The following KCNQ1 variants were observed in gnomAD, a reference collection of about 807,000 sequenced individuals.
The protein encoded by KCNQ1 is potassium voltage-gated channel subfamily Q member 1.
In KCNQ1, 49 loss-of-function variants were observed where a neutral mutation model predicts 72.4. The observed-to-expected ratio is 0.68, with a 90% CI of 0.54 to 0.86. The LOEUF (loss-of-function observed/expected upper bound fraction) is 0.86, where lower values mean the gene tolerates loss of function less well. Among genes scored for constraint, KCNQ1 ranks in the 40% least tolerant of loss-of-function variants. KCNQ1 has a pLI of 0.00. For synonymous variants in KCNQ1, 450 were observed against 412.6 expected (o/e 1.09, Z -1.10); for missense variants, 790 against 945.1 (o/e 0.84, Z 2.15).
rs886212999 is a variant in KCNQ1 at position 2,478,261 on chromosome 11, G to A, written c.386+32777G>A. ...AACGTAGAAGGCTAAATAAAGTACC[G>A]TTCAGGGTGAAGGGGAAGGAAGAAA... On this transcript the variant is annotated intron_variant, in intron 1 of 15. Coordinates refer to ENST00000155840, the MANE Select transcript of KCNQ1 (RefSeq NM_000218.3). This position sits in a 1 kb window ranked among gnomAD's most constrained non-coding sequence, Gnocchi z 4.0. 3.3e-5 allele frequency among the ~76,000 whole-genome samples: 5 copies of A among 152,184 alleles called. No individual in the cohort carries two copies. Among genetic ancestry groups the A allele is most frequent in the African/African-American group, 4.8e-5 (2 of 41,436 alleles).
intron 8 of KCNQ1, among the ~76,000 whole-genome samples, 199 bp from the exon 9 acceptor site, chr11:2,587,371 C>A (rs111858027): frequency 4.7e-4 from 72 of 152,320 alleles, no homozygotes; most frequent in African/African-American, 1.6e-3. Flanking sequence ...CCTGGTGCAG[C>A]AAGGGACCAA....
intron 15 of KCNQ1, among the ~76,000 whole-genome samples, chr11:2,831,968 C>T (rs1016495742): frequency 3.3e-5 from 5 of 152,216 alleles, no homozygotes; most frequent in African/African-American, 4.8e-5. Flanking sequence ...AGGCCCTGCC[C>T]GTGTACCAGG....
chr11:2,560,634 C>T (rs1437099436), intron 2 of KCNQ1, among the ~76,000 whole-genome samples: 1 of 151,988 alleles, frequency 6.6e-6, no homozygotes, highest in Admixed American at 6.5e-5. Context: ...TTACGGGCCC[C>T]TCAGCCTCCC....
At chr11:2,521,531 C>T (rs1306035250) in intron 1 of KCNQ1, 2 of 470,778 alleles carry the variant, frequency 4.2e-6, no homozygotes, top group Non-Finnish European at 4.4e-6. Context: ...GTGAAACGCT[C>T]CAGTGGTTAC....
At position 2,481,214 on chromosome 11, in the gene KCNQ1, C is replaced by T. The variant is rs1449738399; in HGVS notation, c.386+35730C>T. Among the ~76,000 whole-genome samples, 1 of 152,152 alleles carries T rather than the reference C, an allele frequency of 6.6e-6. No homozygotes were observed. Among genetic ancestry groups the T allele is most frequent in the African/African-American group, 2.4e-5 (1 of 41,428 alleles). On this transcript the variant is annotated intron_variant, in intron 1 of 15. Coordinates refer to ENST00000155840, the MANE Select transcript of KCNQ1 (RefSeq NM_000218.3). The surrounding 1 kb of genome is among the most constrained non-coding windows in gnomAD (Gnocchi z 4.6). ...ACATAAGAAAATGCTTTTAGTAGAT[C>T]AGTTTTTCTGATTGTAAAGTTCAGA...
At chr11:2,648,948 T>C (rs1486178627) in intron 10 of KCNQ1, 1 of 397,836 alleles carries the variant, frequency 2.5e-6, no homozygotes, top group Non-Finnish European at 4.4e-6. Flanking sequence ...TTTATAATTA[T>C]ATAATGACCT....
Position 2,532,354 on chromosome 11 carries a change from G to A in KCNQ1, c.477+4336G>A, listed in dbSNP as rs1036059020. On this transcript the variant is annotated intron_variant, in intron 2 of 15. Coordinates refer to ENST00000155840, the MANE Select transcript of KCNQ1 (RefSeq NM_000218.3). ...ATGACCCAGCTTGGTATGTGCTCCC[G>A]GCTTCAGCTGCCCCTGCGTGATGGA... Among the ~76,000 whole-genome samples the A allele has an allele frequency of 8.5e-5, 13 of 152,308 alleles. 1 individual carries two copies. Among genetic ancestry groups the A allele is most frequent in the South Asian group, 6.2e-4 (3 of 4,826 alleles).
At chr11:2,503,603 A>G (rs934397565) in intron 1 of KCNQ1, among the ~76,000 whole-genome samples, 2 of 152,016 alleles carry the variant, frequency 1.3e-5, no homozygotes, top group Non-Finnish European at 2.9e-5. Flanking sequence ...TGACGAGTTA[A>G]TGGGTGCAGC....
At position 2,634,612 on chromosome 11, in the gene KCNQ1, C is replaced by T. The variant is rs1369747144; in HGVS notation, c.1394-27349C>T. On this transcript the variant is annotated intron_variant, in intron 10 of 15. Coordinates refer to ENST00000155840, the MANE Select transcript of KCNQ1 (RefSeq NM_000218.3). The stretch of plus-strand genomic sequence containing the variant: ...CATTTGGGTTGGTTCCAAGTCTTTG[C>T]TATCGTGAATAGTGCTGCAATAAAC... The T allele has an allele frequency of 3.3e-5, 5 of 152,138 alleles. No homozygotes were observed. The East Asian group carries it at 9.6e-4, about 29-fold the overall frequency. The allele number at this position is 152,138 out of a possible 1,614,324, so 9.4% of individuals were successfully genotyped here.
chr11:2,729,131 C>T (rs231913), intron 11 of KCNQ1, among the ~76,000 whole-genome samples: 1 of 152,124 alleles, frequency 6.6e-6, no homozygotes, highest in Admixed American at 6.5e-5. Context: ...GAGCTGGGCT[C>T]TCCCGGGGCC....
intron 10 of KCNQ1, chr11:2,648,283 T>A (rs1849698732): frequency 1.3e-5 from 5 of 398,508 alleles, no homozygotes; most frequent in South Asian, 1.3e-4. Flanking sequence ...AGATCTGCTC[T>A]GATCTTTACT....
chr11:2,445,480 G>A lies in KCNQ1; in HGVS notation c.382G>A (p.Ala128Thr). The A allele has an allele frequency of 1.3e-6, 2 of 1,594,748 alleles. No homozygotes were observed. Among genetic ancestry groups the A allele is most frequent in the South Asian group, 1.1e-5 (1 of 90,502 alleles). Residue 128 changes from alanine (A) to threonine (T), a missense_variant, in exon 1 of 16, where the codon GCC becomes ACC. This residue lies in a region of KCNQ1 where 294 missense variants were observed against 323.3 expected (regional missense o/e 0.91). Coordinates refer to ENST00000155840, the MANE Select transcript of KCNQ1 (RefSeq NM_000218.3). Reference protein sequence around the residue: ...TGWKCFVYHFAVFLIVLVCLI... With the variant: ...TGWKCFVYHFTVFLIVLVCLI... ...CTGGAAATGCTTCGTTTACCACTTC[G>A]CCGTGTGAGTATCGCCACCGGCGAC...
chr11:2,505,055 ATTT>A (rs113518709), intron 1 of KCNQ1, among the ~76,000 whole-genome samples: 15 of 143,060 alleles, frequency 1.0e-4, no homozygotes, highest in African/African-American at 3.8e-4. Flanking sequence ...TTCCCTTCTG[ATTT>A]TTTTTTTTTT....
intron 1 of KCNQ1, among the ~76,000 whole-genome samples, chr11:2,518,788 T>C (rs947182664): frequency 1.5e-4 from 23 of 152,240 alleles, no homozygotes; most frequent in Middle Eastern, 3.4e-3. Flanking sequence ...CAAGAACTTT[T>C]TAAAGAAATG....
Position 2,683,204 on chromosome 11 carries a change from T to C in KCNQ1, c.1514+21123T>C, listed in dbSNP as rs1590029766. 4 of 398,632 alleles carry C rather than the reference T, an allele frequency of 1.0e-5. No individual in the cohort carries two copies. Among genetic ancestry groups the C allele is most frequent in the African/African-American group, 2.1e-5 (1 of 48,736 alleles). The allele number at this position is 398,632 out of a possible 1,614,324, so 24.7% of individuals were successfully genotyped here. A position where few individuals can be genotyped will look rare whatever the true frequency, so the allele number is the denominator to read the frequency against. ...AAGGCTCCCACTGACAGCTCATGCA[T>C]TGTGATGGAACTAGAGGTGAGATAC... On this transcript the variant is annotated intron_variant, in intron 11 of 15. Coordinates refer to ENST00000155840, the MANE Select transcript of KCNQ1 (RefSeq NM_000218.3). This position sits in a 1 kb window ranked among gnomAD's most constrained non-coding sequence, Gnocchi z 4.7.
Position 2,683,574 on chromosome 11 carries a change from A to T in KCNQ1, c.1514+21493A>T. 5.0e-6 allele frequency: 2 copies of T among 398,678 alleles called. No homozygotes were observed. Among genetic ancestry groups the T allele is most frequent in the Non-Finnish European group, 8.8e-6 (2 of 226,074 alleles). The allele number at this position is 398,678 out of a possible 1,614,324, so 24.7% of individuals were successfully genotyped here. On this transcript the variant is annotated intron_variant, in intron 11 of 15. Coordinates refer to ENST00000155840, the MANE Select transcript of KCNQ1 (RefSeq NM_000218.3). This position sits in a 1 kb window ranked among gnomAD's most constrained non-coding sequence, Gnocchi z 4.7. ...GCCCCTACCTACTGACTGGCATCAC[A>T]AACACTGCCCTGAAATGCCAACTCA... is the stretch of plus-strand genomic sequence containing the variant.
At chr11:2,605,203 T>C (rs1398122896) in intron 10 of KCNQ1, among the ~76,000 whole-genome samples, 1 of 152,252 alleles carries the variant, frequency 6.6e-6, no homozygotes, top group African/African-American at 2.4e-5. Context: ...CCCTATCAGA[T>C]AGATTATTTG....
chr11:2,504,081 T>C (rs771710378), intron 1 of KCNQ1, among the ~76,000 whole-genome samples: 5 of 152,198 alleles, frequency 3.3e-5, no homozygotes, highest in Non-Finnish European at 7.3e-5. Flanking sequence ...GCAAACTGAG[T>C]GTCCATCAAC....
intron 7 of KCNQ1, 76 bp downstream of exon 7, chr11:2,583,621 G>A (rs1848539657): frequency 1.0e-6 from 1 of 971,924 alleles, no homozygotes; most frequent in Non-Finnish European, 1.7e-6. Flanking sequence ...GCCCCTCCCT[G>A]TGAGCAGACC....
Sources: allele counts gnomAD v4.1 joint callset (sites outside exome capture counted in the v4.1 genomes callset), GRCh38; gene constraint gnomAD v4.1.1; regional missense constraint gnomAD v4.1.1; non-coding constraint Gnocchi (gnomAD v3.1); transcripts MANE v1.5; gene names NCBI Gene and HGNC (gene_info 2026-07-23, HGNC 2026-07-21).